The following PDE5A variants were observed in gnomAD, a reference collection of about 807,000 sequenced individuals.
PDE5A encodes phosphodiesterase 5A.
Under a neutral mutation model 110.2 loss-of-function variants are expected in PDE5A, and 67 were observed. The ratio of observed to expected loss-of-function variants is 0.61; its 90% CI spans 0.50 to 0.75. The LOEUF (loss-of-function observed/expected upper bound fraction) is 0.75. Ranked by LOEUF, PDE5A falls within the 30% of genes least tolerant of loss-of-function variation. The probability of loss-of-function intolerance (pLI) is 0.00; values close to 1 mark genes in which losing one functional copy is unlikely to be tolerated. For synonymous variants in PDE5A, 328 were observed against 351.2 expected (o/e 0.93, Z 0.74); for missense variants, 862 against 1,045.1 (o/e 0.82, Z 2.42).
rs1359847852 is a variant in PDE5A, at chr4:119,504,669, T to TA, written c.2268-71dup. ...TTATTATATACCCTCAGTAAATAGT[T>TA]ACTAATAAAAAAAAGTTAAAACCCT... On this transcript the variant is annotated intron_variant, in intron 17 of 20. Transcript: ENST00000354960. 79 of 1,263,002 alleles carry TA rather than the reference T, an allele frequency of 6.3e-5. 1 individual carries two copies. The East Asian group carries it at 1.2e-3, about 20-fold the overall frequency. 78.2% of individuals were successfully genotyped at this position (1,263,002 alleles called of 1,614,324 possible).
intron 1 of PDE5A, among the ~76,000 whole-genome samples, chr4:119,626,514 ATACT>A (rs1730351738): frequency 6.6e-6 from 1 of 152,214 alleles, no homozygotes; most frequent in African/African-American, 2.4e-5. Context: ...GGTCCAATAC[ATACT>A]TTTAAAAATC....
chr4:119,553,773 C>G, intron 7 of PDE5A, 27 bp from the exon 8 acceptor site: 1 of 1,145,408 alleles, frequency 8.7e-7, no homozygotes, highest in Non-Finnish European at 1.3e-6. Context: ...TATGAGTTCC[C>G]TCTGTGCAGT....
intron 3 of PDE5A, among the ~76,000 whole-genome samples, chr4:119,587,906 G>A (rs981587338): frequency 6.6e-6 from 1 of 152,166 alleles, no homozygotes; most frequent in Non-Finnish European, 1.5e-5. Flanking sequence ...GAGTGTGAGA[G>A]ATCATAGACA....
chr4:119,565,204 T>C lies in PDE5A; in HGVS notation c.993+117A>G, dbSNP rs1275307973. On this transcript the variant is annotated intron_variant, in intron 5 of 20. Coordinates refer to ENST00000354960, the MANE Select transcript of PDE5A (RefSeq NM_001083.4). ...AATGACTACTAGAAAAAATAAAGTA[T>C]TGAGAAACTGAATCTGTACTATCTA... The C allele has an allele frequency of 1.0e-5, 7 of 672,092 alleles. No individual in the cohort carries two copies. In the East Asian group the frequency reaches 1.7e-4, roughly 16 times the overall value. 41.6% of individuals were successfully genotyped at this position (672,092 alleles called of 1,614,324 possible).
intron 2 of PDE5A, among the ~76,000 whole-genome samples, chr4:119,597,982 A>G (rs1729210687): frequency 6.6e-6 from 1 of 152,150 alleles, no homozygotes; most frequent in African/African-American, 2.4e-5. Context: ...GAAAAACTTT[A>G]GCTGAATCTT....
intron 12 of PDE5A, among the ~76,000 whole-genome samples, chr4:119,523,155 C>G (rs1726190790): frequency 6.6e-6 from 1 of 152,010 alleles, no homozygotes; most frequent in Admixed American, 6.6e-5. Context: ...AAGTCAGGCT[C>G]TGAAGAAGAG....
chr4:119,560,330 C>T lies in PDE5A; in HGVS notation c.1165G>A (p.Glu389Lys), dbSNP rs1363834591. 1 of 1,591,486 alleles carries T rather than the reference C, an allele frequency of 6.3e-7. No homozygotes were observed. The highest frequency in any genetic ancestry group is 8.5e-7 in the Non-Finnish European group (1 of 1,169,762). Residue 389 changes from glutamate (E) to lysine (K), a missense_variant, in exon 7 of 21, where the codon GAG becomes AAG. By Grantham distance (56) the Glu-to-Lys change is moderately conservative. Transcript: ENST00000354960. ...SFSSVFHMEC[E>K]ELEKSSDTLT... ...GTATCAGATGATTTTTCTAATTCCT[C>T]ACACTCCATGTGAAACACACTAGAA...
At chr4:119,558,733 C>T (rs1175868887) in intron 7 of PDE5A, among the ~76,000 whole-genome samples, 2 of 151,870 alleles carry the variant, frequency 1.3e-5, no homozygotes, top group East Asian at 1.9e-4. Flanking sequence ...CAGCTAAAAA[C>T]AGTGAAACCC....
At chr4:119,501,311 A>ATTAC in intron 19 of PDE5A, 58 bp from the exon 20 acceptor site, 1 of 1,042,750 alleles carries the variant, frequency 9.6e-7, no homozygotes, top group Non-Finnish European at 1.5e-6. Flanking sequence ...TTAGTTAGTT[A>ATTAC]TTACTTTATT....
intron 2 of PDE5A, among the ~76,000 whole-genome samples, chr4:119,599,712 T>C (rs376860427): frequency 1.8e-4 from 27 of 147,240 alleles, no homozygotes; most frequent in African/African-American, 3.5e-4. Flanking sequence ...CAAGTGTGTA[T>C]ACACACACAC....
rs544312868 is a variant in PDE5A at position 119,604,515 on chromosome 4, C to T, written c.741+2194G>A. Among the ~76,000 whole-genome samples the T allele has an allele frequency of 2.0e-5, 3 of 152,244 alleles. No individual in the cohort carries two copies. In the East Asian group the frequency reaches 5.8e-4, roughly 29 times the overall value. ...CAATCCTTCAGCTGTGTCCTTAATA[C>T]CCCTCTTGGAATCTGCTACAGTGTG... On this transcript the variant is annotated intron_variant, in intron 2 of 20. Transcript: ENST00000354960.
chr4:119,606,903 C>G lies in PDE5A; in HGVS notation c.547G>C (p.Asp183His). ...FLHIHGLISA[D>H]RYSLFLVCED... The stretch of plus-strand genomic sequence containing the variant: ...CAGACAAGGAACAGGGAATAGCGGT[C>G]AGCAGATATCAGTCCATGGATATGC... The change falls in exon 2 of 21, where the codon GAC (aspartate) becomes CAC (histidine). Residue 183 changes from aspartate to histidine, a missense_variant. By Grantham distance (81) the Asp-to-His change is moderately conservative (BLOSUM62 -1). Coordinates refer to ENST00000354960, the MANE Select transcript of PDE5A (RefSeq NM_001083.4). The G allele has an allele frequency of 6.2e-7, 1 of 1,614,226 alleles. No homozygotes were observed.
chr4:119,520,384 C>T (rs930922824), intron 13 of PDE5A, among the ~76,000 whole-genome samples: 2 of 152,030 alleles, frequency 1.3e-5, no homozygotes, highest in African/African-American at 2.4e-5. Context: ...TGGAAAGGAA[C>T]GAATTACTTG....
intron 2 of PDE5A, among the ~76,000 whole-genome samples, chr4:119,600,605 A>G (rs1729311961): frequency 6.6e-6 from 1 of 152,238 alleles, no homozygotes; most frequent in South Asian, 2.1e-4. Context: ...TAATAAGGAC[A>G]TAACAAAAAG....
intron 9 of PDE5A, chr4:119,549,926 GGAA>G (rs1206981753): frequency 2.6e-5 from 4 of 152,054 alleles, no homozygotes; most frequent in East Asian, 1.9e-4. Flanking sequence ...ATGAGAAGAA[GGAA>G]GAAGATTACA....
intron 9 of PDE5A, chr4:119,543,031 C>A: frequency 6.6e-6 from 1 of 150,954 alleles, no homozygotes; most frequent in Non-Finnish European, 1.4e-5. Flanking sequence ...TACTGAGAAA[C>A]CAGAAGTTAA....
intron 1 of PDE5A, chr4:119,628,148 G>C (rs763937761): frequency 1.4e-4 from 66 of 481,470 alleles, no homozygotes; most frequent in Non-Finnish European, 1.7e-4. Flanking sequence ...GAGCTGCAGG[G>C]AAGGGGCTCA....
Position 119,525,176 on chromosome 4 carries a change from G to C in PDE5A, c.1779+373C>G, listed in dbSNP as rs1054136032. Among the ~76,000 whole-genome samples the C allele has an allele frequency of 1.4e-4, 22 of 151,916 alleles. No homozygotes were observed. The highest frequency in any genetic ancestry group is 5.3e-4 in the African/African-American group (22 of 41,356). ...GGTAAAATCCAAATTCATCTGTACG[G>C]CTTACAAGGTTCCGTATCATTTGCT... On this transcript the variant is annotated intron_variant, in intron 12 of 20. Transcript: ENST00000354960. This position sits in a 1 kb window ranked among gnomAD's most constrained non-coding sequence, Gnocchi z 4.3.
chr4:119,617,194 A>G (rs1188358964), intron 1 of PDE5A, among the ~76,000 whole-genome samples: 1 of 152,198 alleles, frequency 6.6e-6, no homozygotes, highest in Non-Finnish European at 1.5e-5. Flanking sequence ...ATCACAAAAT[A>G]GAAAACTACA....
Sources: allele counts gnomAD v4.1 joint callset (sites outside exome capture counted in the v4.1 genomes callset), GRCh38; gene constraint gnomAD v4.1.1; non-coding constraint Gnocchi (gnomAD v3.1); transcripts MANE v1.5; gene names NCBI Gene and HGNC (gene_info 2026-07-23, HGNC 2026-07-21).